ADGRL2: variants seen among roughly 807,000 people sequenced by gnomAD.
ADGRL2 encodes adhesion G protein-coupled receptor L2.
A neutral mutation model predicts 157.4 loss-of-function variants in ADGRL2; 44 were observed. The ratio of observed to expected loss-of-function variants is 0.28; its 90% CI spans 0.22 to 0.36. The LOEUF (loss-of-function observed/expected upper bound fraction) is 0.36. ADGRL2 is among the 10% of genes least tolerant of loss of function. ADGRL2 has a pLI of 1.00. For synonymous variants in ADGRL2, 585 were observed against 624.7 expected, an observed-to-expected ratio of 0.94 and a Z score of 0.95; for missense variants, 1,510 against 1,768.9, an observed-to-expected ratio of 0.85 and a Z score of 2.63.
At chr1:81,687,409 T>C (rs1183208675) in intron 3 of ADGRL2, among the ~76,000 whole-genome samples, 6 of 152,250 alleles carry the variant, frequency 3.9e-5, no homozygotes, top group African/African-American at 7.2e-5. Flanking sequence ...TCTTTGTCTC[T>C]TTTAACTGCT....
intron 1 of ADGRL2, among the ~76,000 whole-genome samples, chr1:81,417,370 G>A (rs1483495219): frequency 6.6e-6 from 1 of 151,992 alleles, no homozygotes. Context: ...TTATTCAAAA[G>A]TTCCTGCAAG....
intron 18 of ADGRL2, 75 bp downstream of exon 18, chr1:81,980,035 T>A: frequency 1.3e-6 from 1 of 793,394 alleles, no homozygotes; most frequent in Non-Finnish European, 2.1e-6. Context: ...ACACAGGGAT[T>A]TCTACCTTCT....
chr1:81,358,844 G>C (rs541561639), intron 1 of ADGRL2, among the ~76,000 whole-genome samples: 2 of 152,206 alleles, frequency 1.3e-5, no homozygotes, highest in African/African-American at 4.8e-5. Context: ...ATTTTCATCA[G>C]TTCTATACAG....
intron 1 of ADGRL2, among the ~76,000 whole-genome samples, chr1:81,443,860 C>T (rs1002085264): frequency 7.9e-5 from 12 of 152,006 alleles, no homozygotes; most frequent in Non-Finnish European, 1.6e-4. Flanking sequence ...TAGTAATAAT[C>T]AATAAATAAT....
chr1:81,354,684 G>A (rs1046366466), intron 1 of ADGRL2, among the ~76,000 whole-genome samples: 2 of 152,138 alleles, frequency 1.3e-5, no homozygotes, highest in African/African-American at 2.4e-5. Flanking sequence ...CGCTTTCATA[G>A]AATGTATTCT....
intron 3 of ADGRL2, among the ~76,000 whole-genome samples, chr1:81,660,246 G>T (rs774637119): frequency 6.6e-6 from 1 of 152,136 alleles, no homozygotes; most frequent in Non-Finnish European, 1.5e-5. Context: ...GGTTCAATTT[G>T]TTTTAGCACT....
chr1:81,492,869 C>T (rs577144827), intron 2 of ADGRL2, among the ~76,000 whole-genome samples: 8 of 152,234 alleles, frequency 5.3e-5, no homozygotes, highest in Admixed American at 2.6e-4. Context: ...ATTTCTTCTT[C>T]TATCCAGAAA....
rs542101462 is a variant in ADGRL2 at position 81,343,917 on chromosome 1, G to A, written c.-302+37408G>A. 9.9e-5 allele frequency among the ~76,000 whole-genome samples: 15 copies of A among 152,214 alleles called. No individual in the cohort carries two copies. In the South Asian group the frequency reaches 2.7e-3, roughly 27 times the overall value. ...TGGGACTTCAACATATAAATTTTGA[G>A]GAGACACAAGCATTCAGTCCATAAC... On this transcript the variant is annotated intron_variant, in intron 1 of 24. Coordinates refer to the ADGRL2 transcript ENST00000370721.
chr1:81,661,233 T>C (rs1322592009), intron 3 of ADGRL2, among the ~76,000 whole-genome samples: 2 of 152,186 alleles, frequency 1.3e-5, no homozygotes, highest in Non-Finnish European at 2.9e-5. Context: ...TAACAAGTGA[T>C]ACTATCACCT....
At chr1:81,938,768 T>G (rs955705195) in intron 4 of ADGRL2, among the ~76,000 whole-genome samples, 1 of 150,934 alleles carries the variant, frequency 6.6e-6, no homozygotes, top group Admixed American at 6.6e-5. Context: ...TAAAATACAA[T>G]GCAAAGAGCC....
At chr1:81,986,782 C>T (rs909365433) in intron 21 of ADGRL2, 119 bp from the exon 22 acceptor site, 1 of 952,732 alleles carries the variant, frequency 1.0e-6, no homozygotes, top group African/African-American at 1.7e-5. Flanking sequence ...TTTTCCATTG[C>T]CAACTTGTCC....
At chr1:81,525,987 T>G (rs1270713935) in intron 2 of ADGRL2, among the ~76,000 whole-genome samples, 1 of 152,242 alleles carries the variant, frequency 6.6e-6, no homozygotes, top group Non-Finnish European at 1.5e-5. Context: ...TATCCTCATC[T>G]TGGTGCACAA....
intron 1 of ADGRL2, among the ~76,000 whole-genome samples, chr1:81,730,642 G>A (rs1030029522): frequency 9.2e-5 from 14 of 151,888 alleles, no homozygotes; most frequent in Non-Finnish European, 1.5e-4. Flanking sequence ...AGAATTGCTT[G>A]AACCTGGGAG....
At chr1:81,763,909 G>T (rs2086002524) in intron 2 of ADGRL2, among the ~76,000 whole-genome samples, 1 of 152,062 alleles carries the variant, frequency 6.6e-6, no homozygotes, top group South Asian at 2.1e-4. Flanking sequence ...CAGAGGCTGA[G>T]GCAGGGGGAT....
At chr1:81,553,676 A>G (rs2080205402) in intron 2 of ADGRL2, among the ~76,000 whole-genome samples, 1 of 152,236 alleles carries the variant, frequency 6.6e-6, no homozygotes. Context: ...CACAGAATAC[A>G]GCATGTGCTT....
intron 1 of ADGRL2, among the ~76,000 whole-genome samples, chr1:81,803,593 G>A (rs964916082): frequency 6.6e-6 from 1 of 151,624 alleles, no homozygotes; most frequent in African/African-American, 2.4e-5. Flanking sequence ...GATACAAACT[G>A]TTGTCTCAGA....
At chr1:81,927,672 G>T (rs2095139036) in intron 3 of ADGRL2, among the ~76,000 whole-genome samples, 2 of 151,882 alleles carry the variant, frequency 1.3e-5, no homozygotes, top group African/African-American at 4.8e-5. Flanking sequence ...CTATATGATG[G>T]TTAGAAATCT....
rs181748405 is a variant in ADGRL2, at chr1:81,705,995, G to A, written c.-143+6187G>A. Among the ~76,000 whole-genome samples the A allele has an allele frequency of 4.4e-3, 669 of 152,170 alleles. 8 individuals carry two copies. The highest frequency in any genetic ancestry group is 5.5e-3 in the Non-Finnish European group (377 of 68,002). On this transcript the variant is annotated intron_variant, in intron 1 of 20. Transcript: ENST00000359929. ...GGAGGCCAAGGCGGGCGGATCACGA[G>A]GTCAGGAGATCGAGACCATCCTGGC...
intron 1 of ADGRL2, among the ~76,000 whole-genome samples, chr1:81,337,302 C>T (rs550652332): frequency 6.6e-6 from 1 of 152,184 alleles, no homozygotes; most frequent in African/African-American, 2.4e-5. Context: ...GCTAAAAGAG[C>T]GCACTGGAAC....
Sources: allele counts gnomAD v4.1 joint callset (sites outside exome capture counted in the v4.1 genomes callset), GRCh38; gene constraint gnomAD v4.1.1; transcripts MANE v1.5; gene names NCBI Gene and HGNC (gene_info 2026-07-23, HGNC 2026-07-21).